Variants in ASXL2 observed in about 807,000 individuals in gnomAD.
The protein encoded by ASXL2 is putative Polycomb group protein ASXL2.
ASXL2 carries 23 observed loss-of-function variants against 122.0 expected under a neutral mutation model. That is an observed-to-expected ratio of 0.19 (90% CI 0.14 to 0.27). The LOEUF (loss-of-function observed/expected upper bound fraction) is 0.27, where lower values mean the gene tolerates loss of function less well. Among genes scored for constraint, ASXL2 ranks in the 10% least tolerant of loss-of-function variants. ASXL2 has a pLI of 1.00. For synonymous variants in ASXL2, 650 were observed against 637.0 expected (o/e 1.02, Z -0.31); for missense variants, 1,518 against 1,713.8 (o/e 0.89, Z 2.02).
chr2:25,781,358 T>C (rs938513507), intron 5 of ASXL2, among the ~76,000 whole-genome samples: 6 of 151,786 alleles, frequency 4.0e-5, no homozygotes, highest in Non-Finnish European at 7.4e-5. Flanking sequence ...GTGATGGTGC[T>C]ACTGCACTCC....
intron 3 of ASXL2, among the ~76,000 whole-genome samples, chr2:25,816,748 A>C (rs2089240943): frequency 6.6e-6 from 1 of 152,216 alleles, no homozygotes. Context: ...ACTCACTGCC[A>C]AAAGACAGCA....
At chr2:25,759,673 G>A in intron 8 of ASXL2, 28 bp from the exon 9 acceptor site, 1 of 1,592,684 alleles carries the variant, frequency 6.3e-7, no homozygotes, top group East Asian at 2.2e-5. Context: ...AATCGTTTGG[G>A]CCTCCCTCAC....
At chr2:25,835,849 A>G (rs2089504215) in intron 2 of ASXL2, among the ~76,000 whole-genome samples, 1 of 152,206 alleles carries the variant, frequency 6.6e-6, no homozygotes, top group South Asian at 2.1e-4. Context: ...TGTGGATACA[A>G]TGAATACTTC....
chr2:25,771,470 T>C lies in ASXL2; in HGVS notation c.474A>G (p.Ser158=), dbSNP rs1479409952. ...TTAGTGCCTTCTTGCTGTGCTTCTGTGATGGAGAAATGACTTTACCTGCTG... is the reference window on the plus strand; with the variant it reads ...TTAGTGCCTTCTTGCTGTGCTTCTGCGATGGAGAAATGACTTTACCTGCTG... ...TIPAGKVISP[S]QKHSKKALKQ... The change falls in exon 6 of 13, where the codon TCA becomes TCG. Residue 158 remains serine (S), a synonymous_variant. Transcript: ENST00000435504. The C allele has an allele frequency of 1.2e-6, 2 of 1,613,600 alleles. No homozygotes were observed. Among genetic ancestry groups the C allele is most frequent in the East Asian group, 2.2e-5 (1 of 44,858 alleles).
At chr2:25,864,326 G>A (rs2089874630) in intron 1 of ASXL2, among the ~76,000 whole-genome samples, 1 of 152,094 alleles carries the variant, frequency 6.6e-6, no homozygotes, top group South Asian at 2.1e-4. Context: ...CACATTTTAA[G>A]ATTATTCTAA....
chr2:25,838,041 G>T (rs1340035022), intron 2 of ASXL2, among the ~76,000 whole-genome samples: 3 of 152,058 alleles, frequency 2.0e-5, no homozygotes, highest in Non-Finnish European at 4.4e-5. Flanking sequence ...CAAGGCTGCG[G>T]TGAGCCATGA....
At chr2:25,853,948 G>A (rs2089747711) in intron 1 of ASXL2, among the ~76,000 whole-genome samples, 1 of 152,120 alleles carries the variant, frequency 6.6e-6, no homozygotes, top group Non-Finnish European at 1.5e-5. Flanking sequence ...AGGATAAAAG[G>A]TGAGGGAAAA....
At chr2:25,837,387 C>G (rs965094355) in intron 2 of ASXL2, among the ~76,000 whole-genome samples, 2 of 152,152 alleles carry the variant, frequency 1.3e-5, no homozygotes, top group Non-Finnish European at 2.9e-5. Flanking sequence ...AAATTGCATA[C>G]AACTAGTCTC....
At chr2:25,864,994 T>C (rs1462548268) in intron 1 of ASXL2, among the ~76,000 whole-genome samples, 1 of 151,794 alleles carries the variant, frequency 6.6e-6, no homozygotes, top group Non-Finnish European at 1.5e-5. Flanking sequence ...GCTAATTTTT[T>C]GTATTTTGAT....
At chr2:25,858,700 C>T (rs538379322) in intron 1 of ASXL2, among the ~76,000 whole-genome samples, 1 of 146,780 alleles carries the variant, frequency 6.8e-6, no homozygotes, top group South Asian at 2.2e-4. Context: ...TCCAGCCTGG[C>T]GACAGAGCGA....
chr2:25,830,038 A>T (rs1463302925), intron 3 of ASXL2, among the ~76,000 whole-genome samples: 1 of 152,218 alleles, frequency 6.6e-6, no homozygotes, highest in Admixed American at 6.5e-5. Context: ...AGCAACAGAG[A>T]TCAATAAGAA....
At position 25,807,986 on chromosome 2, in the gene ASXL2, TACACACACACAC is replaced by T. The variant is rs147273836; in HGVS notation, c.144-1661_144-1650del. ...TAATTGGTTTAAATTAATCAGCTTT[TACACACACACAC>T]ACACACACACACACACACACACACT... On this transcript the variant is annotated intron_variant, in intron 3 of 12. Coordinates refer to ENST00000435504, the MANE Select transcript of ASXL2 (RefSeq NM_018263.6). 1.5e-4 allele frequency among the ~76,000 whole-genome samples: 20 copies of T among 131,822 alleles called. No homozygotes were observed. In the East Asian group the frequency reaches 1.6e-3, roughly 11 times the overall value. The allele number at this position is 131,822 out of a possible 152,430, so 86.5% of individuals were successfully genotyped here.
chr2:25,769,787 G>A (rs1221481373), intron 6 of ASXL2, among the ~76,000 whole-genome samples: 2 of 152,092 alleles, frequency 1.3e-5, no homozygotes, highest in African/African-American at 2.4e-5. Context: ...TGGAGTAACT[G>A]GCTACTTCTG....
At position 25,799,530 on chromosome 2, in the gene ASXL2, A is replaced by T. The variant is rs150279913; in HGVS notation, c.258T>A (p.Asp86Glu). The change falls in exon 5 of 13, where the codon GAT (aspartate) becomes GAA (glutamate). Residue 86 changes from aspartate (D) to glutamate (E), a missense_variant. This residue lies in a region of ASXL2 where 198 missense variants were observed against 209.0 expected (regional missense o/e 0.95). Coordinates refer to ENST00000435504, the MANE Select transcript of ASXL2 (RefSeq NM_018263.6). ...GRMGVYTLKK[D>E]VPDGVKELSE... The stretch of plus-strand genomic sequence containing the variant: ...ACAGCTCTTTCACCCCATCCGGCAC[A>T]TCTTTCTGAAAATGTAGGCATCCAA... The T allele has an allele frequency of 2.0e-4, 329 of 1,610,120 alleles. 2 individuals are homozygous for T. In the East Asian group the frequency reaches 6.4e-3, roughly 31 times the overall value.
intron 10 of ASXL2, among the ~76,000 whole-genome samples, chr2:25,754,844 G>T (rs1026145668): frequency 6.6e-6 from 1 of 151,902 alleles, no homozygotes; most frequent in African/African-American, 2.4e-5. Flanking sequence ...AAAAAAAAGG[G>T]GTCTCTGCCC....
intron 5 of ASXL2, among the ~76,000 whole-genome samples, chr2:25,782,459 T>C (rs550902151): frequency 5.1e-4 from 77 of 152,158 alleles, no homozygotes; most frequent in African/African-American, 1.8e-3. Flanking sequence ...GGCAGGAGAA[T>C]TGCTTGAACC....
intron 10 of ASXL2, among the ~76,000 whole-genome samples, chr2:25,755,271 A>G (rs1246737031): frequency 1.3e-5 from 2 of 152,238 alleles, no homozygotes; most frequent in African/African-American, 4.8e-5. Flanking sequence ...ACCCAGAGCA[A>G]TAAAAACAAA....
intron 1 of ASXL2, among the ~76,000 whole-genome samples, chr2:25,851,191 C>A (rs982399104): frequency 6.6e-6 from 1 of 151,320 alleles, no homozygotes. Context: ...GGATAAGTAA[C>A]TTATTTTTGT....
chr2:25,769,448 A>G (rs1217129128), intron 6 of ASXL2, among the ~76,000 whole-genome samples: 1 of 152,210 alleles, frequency 6.6e-6, no homozygotes, highest in Non-Finnish European at 1.5e-5. Flanking sequence ...AGCAATTTAC[A>G]GCAAAGCAGT....
Sources: allele counts gnomAD v4.1 joint callset (sites outside exome capture counted in the v4.1 genomes callset), GRCh38; gene constraint gnomAD v4.1.1; regional missense constraint gnomAD v4.1.1; transcripts MANE v1.5; gene names NCBI Gene and HGNC (gene_info 2026-07-23, HGNC 2026-07-21).